Variants in FAF1 observed in about 807,000 individuals in gnomAD.
FAF1 encodes FAS-associated factor 1.
Under a neutral mutation model 92.5 loss-of-function variants are expected in FAF1, and 25 were observed. That is an observed-to-expected ratio of 0.27 (90% CI 0.20 to 0.38). FAF1 has a LOEUF of 0.38. Among genes scored for constraint, FAF1 ranks in the 10% least tolerant of loss-of-function variants. The pLI, the probability that FAF1 is intolerant of heterozygous loss-of-function variation, is 1.00. For missense variants in FAF1, 636 were observed against 793.3 expected (o/e 0.80, Z 2.38); for synonymous variants, 234 against 273.2 (o/e 0.86, Z 1.42).
chr1:50,612,530 A>T, intron 8 of FAF1: 10 of 962,782 alleles, frequency 1.0e-5, no homozygotes, highest in Non-Finnish European at 1.2e-5. Flanking sequence ...CACTTGGCTC[A>T]TGTCTAGTCA....
chr1:50,724,304 C>CACAT lies in FAF1; in HGVS notation c.551+14558_551+14559insATGT, dbSNP rs1553132422. Among the ~76,000 whole-genome samples, 139 of 138,520 alleles carry CACAT rather than the reference C, an allele frequency of 1.0e-3. 2 individuals carry two copies. Among genetic ancestry groups the CACAT allele is most frequent in the East Asian group, 5.2e-3 (25 of 4,780 alleles). 90.9% of individuals were successfully genotyped at this position (138,520 alleles called of 152,430 possible). ...ACACACACACACACACATACACACA[C>CACAT]ACACACACACACACACACACACACA... On this transcript the variant is annotated intron_variant, in intron 6 of 18. Coordinates refer to ENST00000396153, the MANE Select transcript of FAF1 (RefSeq NM_007051.3).
chr1:50,610,891 A>G (rs1652655313), intron 8 of FAF1, among the ~76,000 whole-genome samples: 2 of 152,232 alleles, frequency 1.3e-5, no homozygotes, highest in Admixed American at 1.3e-4. Flanking sequence ...TTCAACCACA[A>G]AAACAGTGTC....
chr1:50,926,791 G>A (rs2124739327), intron 1 of FAF1, among the ~76,000 whole-genome samples: 1 of 152,262 alleles, frequency 6.6e-6, no homozygotes, highest in South Asian at 2.1e-4. Context: ...TTTTAAGGAA[G>A]CAAGGAGTCA....
At chr1:50,636,354 A>G (rs565531822) in intron 8 of FAF1, among the ~76,000 whole-genome samples, 1 of 77,078 alleles carries the variant, frequency 1.3e-5, no homozygotes, top group Non-Finnish European at 2.8e-5. Flanking sequence ...TGAAATTTGT[A>G]TTTTCTCTTA....
chr1:50,648,136 G>A (rs905909223), intron 8 of FAF1, among the ~76,000 whole-genome samples: 1 of 152,178 alleles, frequency 6.6e-6, no homozygotes, highest in South Asian at 2.1e-4. Context: ...GCACACGCCT[G>A]TAATCCCAGC....
chr1:50,658,088 C>T (rs1009179728), intron 7 of FAF1, among the ~76,000 whole-genome samples: 3 of 151,906 alleles, frequency 2.0e-5, no homozygotes, highest in Non-Finnish European at 4.4e-5. Flanking sequence ...GTGTTCTTAA[C>T]GAGAAAGGTG....
intron 15 of FAF1, among the ~76,000 whole-genome samples, chr1:50,508,893 G>A (rs774298555): frequency 3.4e-4 from 52 of 152,162 alleles, no homozygotes; most frequent in Non-Finnish European, 7.1e-4. Flanking sequence ...TAGTAGAGAC[G>A]GGGTTTCACC....
At chr1:50,869,782 T>C (rs1366344827) in intron 1 of FAF1, among the ~76,000 whole-genome samples, 1 of 152,192 alleles carries the variant, frequency 6.6e-6, no homozygotes, top group Non-Finnish European at 1.5e-5. Context: ...TTCTATTTTT[T>C]CACTATTTCT....
chr1:50,695,734 C>T (rs897060235), intron 7 of FAF1, among the ~76,000 whole-genome samples: 2 of 152,216 alleles, frequency 1.3e-5, no homozygotes, highest in South Asian at 2.1e-4. Flanking sequence ...TTGCAACCTC[C>T]GCCTCCTGGG....
intron 2 of FAF1, among the ~76,000 whole-genome samples, chr1:50,808,236 T>C (rs1004087427): frequency 6.6e-6 from 1 of 152,190 alleles, no homozygotes; most frequent in Non-Finnish European, 1.5e-5. Context: ...CCACTAGACC[T>C]GACTTACCAG....
intron 6 of FAF1, among the ~76,000 whole-genome samples, chr1:50,725,252 T>G (rs181194226): frequency 7.9e-5 from 12 of 152,312 alleles, no homozygotes; most frequent in Admixed American, 7.8e-4. Flanking sequence ...TGGTAGGATC[T>G]GAGGCCCCGT....
chr1:50,659,547 A>G (rs1320330357), intron 7 of FAF1, among the ~76,000 whole-genome samples: 1 of 152,104 alleles, frequency 6.6e-6, no homozygotes, highest in East Asian at 1.9e-4. Flanking sequence ...GACAAGTGGC[A>G]CTTCACAGGG....
chr1:50,588,734 C>A (rs534019664), intron 9 of FAF1, among the ~76,000 whole-genome samples: 1 of 152,300 alleles, frequency 6.6e-6, no homozygotes, highest in East Asian at 1.9e-4. Flanking sequence ...GCTGCAAGGG[C>A]TACTGGAGTC....
chr1:50,619,911 T>C lies in FAF1; in HGVS notation c.745-23695A>G, dbSNP rs562872254. On this transcript the variant is annotated intron_variant, in intron 8 of 18. Coordinates refer to ENST00000396153, the MANE Select transcript of FAF1 (RefSeq NM_007051.3). ...TAGTAGATTTGGTCTCTCTCTCTCT[T>C]TTTTTTTTTTTTTTTGAGACAGAGT... Among the ~76,000 whole-genome samples, 575 of 144,330 alleles carry C rather than the reference T, an allele frequency of 4.0e-3. 1 individual carries two copies. The highest frequency in any genetic ancestry group is 8.5e-3 in the African/African-American group (331 of 38,852). 94.7% of individuals were successfully genotyped at this position (144,330 alleles called of 152,430 possible). A position where few individuals can be genotyped will look rare whatever the true frequency, so the allele number is the denominator to read the frequency against.
chr1:50,463,697 T>C (rs2148990767), intron 18 of FAF1, among the ~76,000 whole-genome samples: 1 of 152,294 alleles, frequency 6.6e-6, no homozygotes, highest in South Asian at 2.1e-4. Context: ...AACAGAACAT[T>C]AGTAATTGTT....
At chr1:50,766,802 A>C (rs1036534224) in intron 4 of FAF1, among the ~76,000 whole-genome samples, 2 of 151,194 alleles carry the variant, frequency 1.3e-5, no homozygotes, top group East Asian at 1.9e-4. Flanking sequence ...AAAAAAAAAA[A>C]AAAAAAAAAA....
chr1:50,782,754 G>T (rs767290867), intron 4 of FAF1, among the ~76,000 whole-genome samples: 216 of 152,102 alleles, frequency 1.4e-3, no homozygotes, highest in Non-Finnish European at 1.1e-3. Flanking sequence ...TCTTATTAAA[G>T]AAATATATTT....
chr1:50,625,192 T>A (rs999046528), intron 8 of FAF1, among the ~76,000 whole-genome samples: 2 of 151,934 alleles, frequency 1.3e-5, no homozygotes, highest in African/African-American at 4.8e-5. Flanking sequence ...GAGCCACCGC[T>A]CCCGGCAGAG....
At chr1:50,632,121 T>G (rs779396786) in intron 8 of FAF1, among the ~76,000 whole-genome samples, 7 of 152,202 alleles carry the variant, frequency 4.6e-5, no homozygotes, top group Non-Finnish European at 1.0e-4. Context: ...AAATGACTGA[T>G]GATTAAGTTA....
Sources: gnomAD v4.1 joint callset for allele counts (sites outside exome capture counted in the v4.1 genomes callset) on GRCh38, gnomAD v4.1.1 for gene constraint, MANE v1.5 for transcripts, NCBI Gene and HGNC (gene_info 2026-07-23, HGNC 2026-07-21) for gene names.